Variants in PHACTR3 observed in about 807,000 individuals in gnomAD.
The protein encoded by PHACTR3 is phosphatase and actin regulator 3.
Under a neutral mutation model 66.8 loss-of-function variants are expected in PHACTR3, and 16 were observed. The ratio of observed to expected loss-of-function variants is 0.24; its 90% CI spans 0.16 to 0.36. The LOEUF (loss-of-function observed/expected upper bound fraction) is 0.36. Among genes scored for constraint, PHACTR3 ranks in the 10% least tolerant of loss-of-function variants. The pLI, the probability that PHACTR3 is intolerant of heterozygous loss-of-function variation, is 1.00. For synonymous variants in PHACTR3, 323 were observed against 292.1 expected (o/e 1.11, Z -1.08); for missense variants, 647 against 719.9 (o/e 0.90, Z 1.16).
chr20:59,673,629 C>A (rs2036271552), intron 1 of PHACTR3, among the ~76,000 whole-genome samples: 1 of 152,114 alleles, frequency 6.6e-6, no homozygotes, highest in African/African-American at 2.4e-5. Flanking sequence ...ACCCTGGGGA[C>A]CCTGCTATCC....
intron 1 of PHACTR3, among the ~76,000 whole-genome samples, chr20:59,612,605 T>G (rs1227874290): frequency 6.6e-6 from 1 of 152,176 alleles, no homozygotes. Context: ...AGGCTGGTCT[T>G]GAACTCTTGA....
chr20:59,600,126 G>A (rs748849033), upstream of PHACTR3, among the ~76,000 whole-genome samples: 7 of 152,084 alleles, frequency 4.6e-5, no homozygotes, highest in Non-Finnish European at 7.4e-5. Flanking sequence ...CATGGTCTTC[G>A]CTCAGGCTGT....
chr20:59,721,826 A>G (rs1364521455), intron 1 of PHACTR3, among the ~76,000 whole-genome samples: 2 of 152,210 alleles, frequency 1.3e-5, no homozygotes, highest in African/African-American at 4.8e-5. Flanking sequence ...CTGTGGGCAT[A>G]CAATGGTTGG....
chr20:59,591,227 C>T (rs1241810764), intron 1 of PHACTR3, among the ~76,000 whole-genome samples: 2 of 152,196 alleles, frequency 1.3e-5, no homozygotes, highest in South Asian at 4.1e-4. Flanking sequence ...GTCCCTCGCA[C>T]GGACACATCT....
At chr20:59,772,910 G>C (rs1274679860) in intron 5 of PHACTR3, among the ~76,000 whole-genome samples, 3 of 152,194 alleles carry the variant, frequency 2.0e-5, no homozygotes, top group Non-Finnish European at 4.4e-5. Flanking sequence ...CAGGCTGAAG[G>C]GTGGCTGCAC....
chr20:59,798,850 TG>T (rs1462056424), intron 7 of PHACTR3, among the ~76,000 whole-genome samples: 1 of 152,082 alleles, frequency 6.6e-6, no homozygotes, highest in African/African-American at 2.4e-5. Context: ...CTTCTACTCT[TG>T]TGGTTTATTT....
intron 4 of PHACTR3, among the ~76,000 whole-genome samples, chr20:59,755,714 G>T (rs1238352062): frequency 1.3e-5 from 2 of 152,212 alleles, no homozygotes; most frequent in Non-Finnish European, 2.9e-5. Flanking sequence ...CCAGTGGGGG[G>T]ATTTTAGTGA....
At chr20:59,727,930 G>A (rs572939053) in intron 1 of PHACTR3, among the ~76,000 whole-genome samples, 1 of 152,288 alleles carries the variant, frequency 6.6e-6, no homozygotes, top group South Asian at 2.1e-4. Context: ...ATGATTGCGT[G>A]GAATGAGACA....
chr20:59,648,834 C>T (rs1472871395), intron 1 of PHACTR3, among the ~76,000 whole-genome samples: 1 of 152,202 alleles, frequency 6.6e-6, no homozygotes, highest in Non-Finnish European at 1.5e-5. Context: ...AGAGAAACCA[C>T]CTCGGAGTAG....
intron 1 of PHACTR3, among the ~76,000 whole-genome samples, chr20:59,609,405 C>T (rs2033779662): frequency 6.6e-6 from 1 of 152,148 alleles, no homozygotes; most frequent in South Asian, 2.1e-4. Flanking sequence ...TGACACCTCC[C>T]TCTCCCAAGG....
chr20:59,665,948 A>T (rs2035972323), intron 1 of PHACTR3, among the ~76,000 whole-genome samples: 1 of 152,076 alleles, frequency 6.6e-6, no homozygotes, highest in African/African-American at 2.4e-5. Context: ...AACCCAGGAG[A>T]TGGCTAAGGA....
chr20:59,663,554 T>G (rs2035887409), intron 1 of PHACTR3, among the ~76,000 whole-genome samples: 1 of 152,244 alleles, frequency 6.6e-6, no homozygotes, highest in African/African-American at 2.4e-5. Context: ...AAGCCGTTCT[T>G]GTGAAGCTGA....
At chr20:59,715,950 G>C (rs1292262116) in intron 1 of PHACTR3, among the ~76,000 whole-genome samples, 3 of 152,198 alleles carry the variant, frequency 2.0e-5, no homozygotes, top group African/African-American at 7.2e-5. Flanking sequence ...TACAGCAGAA[G>C]TGAAACACAC....
chr20:59,635,454 G>A (rs1466734417), intron 1 of PHACTR3, among the ~76,000 whole-genome samples: 3 of 151,588 alleles, frequency 2.0e-5, no homozygotes, highest in African/African-American at 7.3e-5. Flanking sequence ...GGCTGGTCGT[G>A]AACTCCTGAC....
At chr20:59,612,788 A>G (rs1180080509) in intron 1 of PHACTR3, among the ~76,000 whole-genome samples, 1 of 152,208 alleles carries the variant, frequency 6.6e-6, no homozygotes, top group East Asian at 1.9e-4. Context: ...TGGGTAATTT[A>G]TAAAGAAAAG....
intron 1 of PHACTR3, among the ~76,000 whole-genome samples, chr20:59,613,824 A>G (rs181556227): frequency 1.3e-5 from 2 of 152,358 alleles, no homozygotes; most frequent in East Asian, 3.9e-4. Context: ...AAGATATGTG[A>G]TCCAAGCCTA....
At chr20:59,631,986 C>A (rs1053942890) in intron 1 of PHACTR3, among the ~76,000 whole-genome samples, 2 of 152,216 alleles carry the variant, frequency 1.3e-5, no homozygotes, top group Non-Finnish European at 2.9e-5. Context: ...AGGGCCTGAG[C>A]AAACACTGAC....
Position 59,758,740 on chromosome 20 carries a change from T to C in PHACTR3, c.541+3376T>C, listed in dbSNP as rs928624501. Reference sequence around the variant, plus strand: ...CCAAATGACTGGAAACAGAGGGCAATGTCTTTGACATCAGGCCGACCTGGG... The same window carrying C: ...CCAAATGACTGGAAACAGAGGGCAACGTCTTTGACATCAGGCCGACCTGGG... On this transcript the variant is annotated intron_variant, in intron 4 of 12. Transcript: ENST00000371015. Among the ~76,000 whole-genome samples the C allele has an allele frequency of 3.3e-5, 5 of 152,314 alleles. No individual in the cohort carries two copies. The South Asian group carries it at 1.0e-3, about 32-fold the overall frequency.
At chr20:59,774,171 C>T (rs2040448712) in intron 6 of PHACTR3, 72 bp from the exon 7 acceptor site, 1 of 1,513,344 alleles carries the variant, frequency 6.6e-7, no homozygotes, top group Non-Finnish European at 8.8e-7. Context: ...TCATTATAAG[C>T]TCCAAAGTCA....
Sources: gnomAD v4.1 joint callset for allele counts (sites outside exome capture counted in the v4.1 genomes callset) on GRCh38, gnomAD v4.1.1 for gene constraint, MANE v1.5 for transcripts, NCBI Gene and HGNC (gene_info 2026-07-23, HGNC 2026-07-21) for gene names.